Variants in ITGBL1 observed in about 807,000 individuals in gnomAD.
ITGBL1 encodes the protein integrin subunit beta like 1.
Under a neutral mutation model 68.5 loss-of-function variants are expected in ITGBL1, and 51 were observed. The observed-to-expected ratio is 0.74, with a 90% CI of 0.59 to 0.94. The LOEUF (loss-of-function observed/expected upper bound fraction) is 0.94, where lower values mean the gene tolerates loss of function less well. ITGBL1 is among the 40% of genes least tolerant of loss of function. The pLI, the probability that ITGBL1 is intolerant of heterozygous loss-of-function variation, is 0.00. For missense variants in ITGBL1, 649 were observed against 647.4 expected (o/e 1.00, Z -0.03); for synonymous variants, 209 against 227.3 (o/e 0.92, Z 0.72).
chr13:101,494,641 G>T (rs1028385213), intron 2 of ITGBL1, among the ~76,000 whole-genome samples: 1 of 152,100 alleles, frequency 6.6e-6, no homozygotes, highest in African/African-American at 2.4e-5. Flanking sequence ...TAGGCAAATT[G>T]TGTATCCAAT....
At chr13:101,720,406 TAAATCTCAGTCATTTACA>T (rs1451641764), downstream of ITGBL1, 5 of 152,244 alleles carry the variant, frequency 3.3e-5, 1 homozygote, top group African/African-American at 1.2e-4. Flanking sequence ...CACATTTACA[TAAATCTCAGTCATTTACA>T]AAAATAAATC....
In ITGBL1 at chr13:101,652,761, A is replaced by G. The variant is rs779450365; in HGVS notation, c.1016-39824A>G. ...CACCCAAAATGCACGAGAAGGAAATAGACGCACCAAAGTTACCTCAATATA... is the reference window on the plus strand; with the variant it reads ...CACCCAAAATGCACGAGAAGGAAATGGACGCACCAAAGTTACCTCAATATA... On this transcript the variant is annotated intron_variant, in intron 7 of 10. Coordinates refer to ENST00000376180, the MANE Select transcript of ITGBL1 (RefSeq NM_004791.3). Among the ~76,000 whole-genome samples the G allele has an allele frequency of 3.3e-5, 5 of 152,290 alleles. No homozygotes were observed. In the East Asian group the frequency reaches 9.7e-4, roughly 29 times the overall value.
chr13:101,679,124 T>C (rs1200057409), intron 7 of ITGBL1, among the ~76,000 whole-genome samples: 1 of 151,642 alleles, frequency 6.6e-6, no homozygotes, highest in East Asian at 2.0e-4. Context: ...GCCAGGATGG[T>C]CTCCATCTCC....
chr13:101,709,545 A>C (rs1354625396), intron 9 of ITGBL1, among the ~76,000 whole-genome samples: 1 of 152,040 alleles, frequency 6.6e-6, no homozygotes, highest in Non-Finnish European at 1.5e-5. Flanking sequence ...TTTTCCTCTG[A>C]GCATGGCTTC....
chr13:101,454,702 A>G (rs192079921), intron 2 of ITGBL1, among the ~76,000 whole-genome samples: 141 of 152,316 alleles, frequency 9.3e-4, no homozygotes, highest in Admixed American at 4.2e-3. Flanking sequence ...CCTCCATTCT[A>G]GGGAGGCAGG....
At chr13:101,707,610 C>T (rs1483078334) in intron 9 of ITGBL1, among the ~76,000 whole-genome samples, 5 of 151,790 alleles carry the variant, frequency 3.3e-5, no homozygotes, top group African/African-American at 4.8e-5. Context: ...GAGGCCAAGG[C>T]GGGTGGATCA....
At chr13:101,459,543 G>GACCA (rs1444452744) in intron 2 of ITGBL1, among the ~76,000 whole-genome samples, 5 of 152,112 alleles carry the variant, frequency 3.3e-5, no homozygotes, top group Admixed American at 6.5e-5. Flanking sequence ...AGGAGTCTGA[G>GACCA]ACCAGCCTGG....
intron 2 of ITGBL1, among the ~76,000 whole-genome samples, chr13:101,536,144 C>T (rs1378476834): frequency 6.6e-6 from 1 of 151,852 alleles, no homozygotes; most frequent in Non-Finnish European, 1.5e-5. Flanking sequence ...CCATCTCACA[C>T]CAGTTAGAAT....
intron 9 of ITGBL1, among the ~76,000 whole-genome samples, chr13:101,708,267 A>G (rs377700774): frequency 7.2e-5 from 11 of 152,246 alleles, no homozygotes; most frequent in East Asian, 1.9e-4. Context: ...AGCCTGAAAG[A>G]TTCTCACCTC....
intron 2 of ITGBL1, among the ~76,000 whole-genome samples, chr13:101,566,783 C>A (rs1184333972): frequency 1.3e-5 from 2 of 152,140 alleles, no homozygotes; most frequent in African/African-American, 4.8e-5. Flanking sequence ...TCCTGTAACC[C>A]ATTCAAAATC....
At chr13:101,663,150 G>T (rs1446675210) in intron 7 of ITGBL1, among the ~76,000 whole-genome samples, 1 of 152,118 alleles carries the variant, frequency 6.6e-6, no homozygotes, top group African/African-American at 2.4e-5. Flanking sequence ...TTGAATAAAT[G>T]AGTATGATTT....
chr13:101,627,803 A>G (rs769118877), intron 7 of ITGBL1, among the ~76,000 whole-genome samples: 1 of 152,180 alleles, frequency 6.6e-6, no homozygotes, highest in East Asian at 1.9e-4. Context: ...ATTGCTGAGT[A>G]ATACTGCCTT....
chr13:101,687,329 T>C (rs2139542002), intron 7 of ITGBL1, among the ~76,000 whole-genome samples: 1 of 151,364 alleles, frequency 6.6e-6, no homozygotes, highest in East Asian at 2.1e-4. Context: ...GTAGTTCTTA[T>C]GAGAAAAAAA....
intron 6 of ITGBL1, among the ~76,000 whole-genome samples, chr13:101,596,015 C>T (rs995818786): frequency 2.3e-4 from 34 of 150,074 alleles, no homozygotes; most frequent in African/African-American, 8.4e-4. Context: ...TTTTGATATG[C>T]ATATGCATAA....
chr13:101,493,715 G>A (rs139598173), intron 2 of ITGBL1, among the ~76,000 whole-genome samples: 1 of 152,200 alleles, frequency 6.6e-6, no homozygotes, highest in East Asian at 1.9e-4. Context: ...ACCTAAGCCT[G>A]TAGAACATCT....
At chr13:101,651,522 T>G (rs2032749286) in intron 7 of ITGBL1, among the ~76,000 whole-genome samples, 1 of 152,152 alleles carries the variant, frequency 6.6e-6, no homozygotes, top group Non-Finnish European at 1.5e-5. Flanking sequence ...GGGTTGTTTG[T>G]TTTTTTCTTA....
At chr13:101,543,277 T>A (rs1309136638) in intron 2 of ITGBL1, among the ~76,000 whole-genome samples, 2 of 152,204 alleles carry the variant, frequency 1.3e-5, no homozygotes, top group South Asian at 2.1e-4. Context: ...TCTCAGCATT[T>A]GCTTGTCTGT....
chr13:101,641,718 C>A (rs541891294), intron 7 of ITGBL1, among the ~76,000 whole-genome samples: 2 of 145,574 alleles, frequency 1.4e-5, no homozygotes, highest in Non-Finnish European at 3.0e-5. Context: ...CCCCCTCCCC[C>A]GACCCCACAG....
chr13:101,583,979 A>G (rs1190651127), intron 6 of ITGBL1, among the ~76,000 whole-genome samples: 2 of 152,244 alleles, frequency 1.3e-5, no homozygotes, highest in African/African-American at 2.4e-5. Context: ...AATGAACAGG[A>G]TAGTTATCAT....
Sources: gnomAD v4.1 joint callset for allele counts (sites outside exome capture counted in the v4.1 genomes callset) on GRCh38, gnomAD v4.1.1 for gene constraint, MANE v1.5 for transcripts, NCBI Gene and HGNC (gene_info 2026-07-23, HGNC 2026-07-21) for gene names.